Variants in SAMD5 observed in about 807,000 individuals in gnomAD.
The protein encoded by SAMD5 is sterile alpha motif domain containing 5.
Under a neutral mutation model 11.3 loss-of-function variants are expected in SAMD5, and 13 were observed. The ratio of observed to expected loss-of-function variants is 1.15; its 90% confidence interval spans 0.75 to 1.83. The LOEUF (loss-of-function observed/expected upper bound fraction) is 1.83. SAMD5 is among the 40% of genes most tolerant of loss of function. The probability of loss-of-function intolerance (pLI) is 0.00; values close to 1 mark genes in which losing one functional copy is unlikely to be tolerated. For missense variants in SAMD5, 255 were observed against 239.1 expected (o/e 1.07, Z -0.44); for synonymous variants, 129 against 111.3 (o/e 1.16, Z -1.00).
At chr6:147,607,570 A>G (rs1789722203) in intron 1 of SAMD5, among the ~76,000 whole-genome samples, 1 of 152,066 alleles carries the variant, frequency 6.6e-6, no homozygotes, top group African/African-American at 2.4e-5. Context: ...CCAAGGATAT[A>G]CACTGGGGGA....
the SAMD5 span, among the ~76,000 whole-genome samples, chr6:147,812,524 T>G: frequency 3.9e-5 from 6 of 152,158 alleles, no homozygotes; most frequent in Non-Finnish European, 1.5e-5. Flanking sequence ...TCAAATGAAG[T>G]AGGCAATCTA....
chr6:147,721,320 G>A (rs1440709174), intron 1 of SAMD5, among the ~76,000 whole-genome samples: 1 of 151,282 alleles, frequency 6.6e-6, no homozygotes, highest in Non-Finnish European at 1.5e-5. Flanking sequence ...CACCAACAGT[G>A]TAAAAGCATT....
chr6:147,834,479 G>A, the SAMD5 span, among the ~76,000 whole-genome samples: 19 of 152,188 alleles, frequency 1.2e-4, no homozygotes, highest in African/African-American at 4.1e-4. Context: ...TAAAAGCACC[G>A]GAGTGATAAG....
chr6:147,914,375 A>G, the SAMD5 span, among the ~76,000 whole-genome samples: 1 of 152,148 alleles, frequency 6.6e-6, no homozygotes, highest in Non-Finnish European at 1.5e-5. Context: ...CAAGGCATTG[A>G]AGTCAGCTAC....
chr6:147,766,252 G>T, the SAMD5 span, among the ~76,000 whole-genome samples: 1 of 152,096 alleles, frequency 6.6e-6, no homozygotes. Flanking sequence ...TTCCTGGGAA[G>T]TGAGAGGAAA....
the SAMD5 span, among the ~76,000 whole-genome samples, chr6:147,755,910 CAAAT>C: frequency 6.6e-6 from 1 of 152,202 alleles, no homozygotes; most frequent in Non-Finnish European, 1.5e-5. Context: ...ACATTGAACA[CAAAT>C]GAATGCTTTT....
chr6:147,746,554 A>T, the SAMD5 span, among the ~76,000 whole-genome samples: 4,577 of 152,326 alleles, frequency 0.03, 99 homozygotes, highest in African/African-American at 0.055. Context: ...AGAGTTAAAG[A>T]GGAAATCCAA....
At chr6:147,880,747 A>G in the SAMD5 span, among the ~76,000 whole-genome samples, 1 of 152,164 alleles carries the variant, frequency 6.6e-6, no homozygotes, top group Non-Finnish European at 1.5e-5. Context: ...CTTGTCGTTC[A>G]GCCTTTACAT....
At chr6:147,738,185 G>T (rs961182366), downstream of SAMD5, among the ~76,000 whole-genome samples, 2 of 152,166 alleles carry the variant, frequency 1.3e-5, no homozygotes, top group Non-Finnish European at 2.9e-5. Flanking sequence ...GCAGGAAAAG[G>T]TATGGGAAAT....
At chr6:147,917,654 T>A in the SAMD5 span, among the ~76,000 whole-genome samples, 20 of 152,316 alleles carry the variant, frequency 1.3e-4, no homozygotes, top group South Asian at 4.1e-4. Context: ...CTGAATGGTA[T>A]TGCCTAGGTT....
chr6:147,568,667 TGCAGA>T lies in SAMD5; in HGVS notation c.*4220_*4224del, dbSNP rs1789083073. The T allele has an allele frequency of 3.0e-6, 3 of 985,320 alleles. No homozygotes were observed. Among genetic ancestry groups the T allele is most frequent in the Non-Finnish European group, 2.4e-6 (2 of 829,912 alleles). The allele number at this position is 985,320 out of a possible 1,614,324, so 61.0% of individuals were successfully genotyped here. A position where few individuals can be genotyped will look rare whatever the true frequency, so the allele number is the denominator to read the frequency against. ...TGACTTTATTAAATCAAATGAGTTG[TGCAGA>T]GCAGAGCAAATCTATTAGGCTTTCT... On this transcript the variant is annotated 3_prime_UTR_variant, in exon 2 of 2. Transcript: ENST00000367474.
chr6:147,791,433 T>C, the SAMD5 span, among the ~76,000 whole-genome samples: 3 of 152,294 alleles, frequency 2.0e-5, no homozygotes, highest in Admixed American at 2.0e-4. Flanking sequence ...ACTACAGTTA[T>C]AAAGCTGGGT....
chr6:147,573,627 A>G (rs562977020), downstream of SAMD5, among the ~76,000 whole-genome samples: 2 of 152,320 alleles, frequency 1.3e-5, no homozygotes, highest in African/African-American at 4.8e-5. Flanking sequence ...GTTATCTGAA[A>G]AGTGAGGTTA....
chr6:147,835,807 C>T, the SAMD5 span, among the ~76,000 whole-genome samples: 2,607 of 152,142 alleles, frequency 0.017, 71 homozygotes, highest in African/African-American at 0.06. Context: ...CAGAAGGACC[C>T]GCATCACCTC....
chr6:147,800,142 A>G, the SAMD5 span, among the ~76,000 whole-genome samples: 86 of 152,130 alleles, frequency 5.7e-4, no homozygotes, highest in African/African-American at 1.9e-3. Context: ...GAGGAGAGGC[A>G]CTCTGATTTT....
the SAMD5 span, among the ~76,000 whole-genome samples, chr6:147,945,667 G>A: frequency 1.3e-5 from 2 of 152,134 alleles, no homozygotes; most frequent in Non-Finnish European, 2.9e-5. Context: ...TGTGAAGGGA[G>A]GTGGTGACTG....
At chr6:147,825,752 G>C in the SAMD5 span, among the ~76,000 whole-genome samples, 5 of 152,246 alleles carry the variant, frequency 3.3e-5, no homozygotes, top group East Asian at 9.6e-4. Flanking sequence ...CGATTTCTCT[G>C]CCTTGTGAAT....
At chr6:147,706,068 C>T (rs983430085) in intron 1 of SAMD5, among the ~76,000 whole-genome samples, 3 of 151,952 alleles carry the variant, frequency 2.0e-5, no homozygotes, top group African/African-American at 7.3e-5. Flanking sequence ...GGAGCCATTT[C>T]CTAGATTTAA....
At chr6:147,680,414 CATT>C (rs1309060916) in intron 1 of SAMD5, among the ~76,000 whole-genome samples, 3 of 152,210 alleles carry the variant, frequency 2.0e-5, no homozygotes, top group Non-Finnish European at 2.9e-5. Flanking sequence ...CTGGTAAACA[CATT>C]ATTATTCTGT....
Sources: gnomAD v4.1 joint callset for allele counts (sites outside exome capture counted in the v4.1 genomes callset) on GRCh38, gnomAD v4.1.1 for gene constraint, MANE v1.5 for transcripts, NCBI Gene and HGNC (gene_info 2026-07-23, HGNC 2026-07-21) for gene names.